ZRSR2: variants seen among roughly 807,000 people sequenced by gnomAD.
ZRSR2 encodes U2 small nuclear ribonucleoprotein auxiliary factor 35 kDa subunit-related protein 2.
In ZRSR2, 3 loss-of-function variants were observed where a neutral mutation model predicts 39.4. That is an observed-to-expected ratio of 0.08 (90% CI 0.03 to 0.20). The LOEUF (loss-of-function observed/expected upper bound fraction) is 0.20, where lower values mean the gene tolerates loss of function less well. Ranked by LOEUF, ZRSR2 falls within the 10% of genes least tolerant of loss-of-function variation. The pLI is 1.00. For synonymous variants in ZRSR2, 137 were observed against 136.0 expected (o/e 1.01, Z -0.05); for missense variants, 256 against 391.5 (o/e 0.65, Z 2.92).
chrX:15,798,969 C>T (rs939474692), intron 2 of ZRSR2, among the ~76,000 whole-genome samples: 3 of 111,128 alleles, frequency 2.7e-5, no homozygotes, highest in Admixed American at 1.9e-4. Context: ...AGGCGGATCA[C>T]GAGGTCAGGA....
At chrX:15,811,516 C>T (rs928888443) in intron 7 of ZRSR2, among the ~76,000 whole-genome samples, 5 of 111,337 alleles carry the variant, frequency 4.5e-5, no homozygotes, top group African/African-American at 1.6e-4. Context: ...GCTCTGCCTC[C>T]CAGGTTCAAG....
chrX:15,816,229 G>C (rs764083), intron 8 of ZRSR2, among the ~76,000 whole-genome samples: 3 of 111,791 alleles, frequency 2.7e-5, no homozygotes, highest in Non-Finnish European at 5.6e-5. Flanking sequence ...CCTTCACTTA[G>C]AAGCTGCATG....
intron 2 of ZRSR2, among the ~76,000 whole-genome samples, chrX:15,795,861 G>T (rs1405863742): frequency 1.8e-5 from 2 of 111,607 alleles, no homozygotes; most frequent in Non-Finnish European, 3.8e-5. Flanking sequence ...AGTGGCTCAC[G>T]CCTGGAGTCC....
intron 2 of ZRSR2, among the ~76,000 whole-genome samples, chrX:15,796,665 A>C (rs1932470446): frequency 9.0e-6 from 1 of 111,341 alleles, no homozygotes; most frequent in South Asian, 3.7e-4. Context: ...ACTTTAAAAA[A>C]AGTTGTCAAT....
In ZRSR2 at chrX:15,808,403, C is replaced by T. The variant is rs1422642468; in HGVS notation, c.438+132C>T. 8 of 583,284 alleles carry T rather than the reference C, an allele frequency of 1.4e-5. No homozygotes were observed. In the African/African-American group the frequency reaches 1.9e-4, roughly 13 times the overall value. 48.1% of individuals were successfully genotyped at this position (583,284 alleles called of 1,213,427 possible). ...GATATCTGGACTCATGTTTATGATG[C>T]TTTGATTTATACAACAACAACAAAC... On this transcript the variant is annotated intron_variant, in intron 6 of 10. Coordinates refer to ENST00000307771, the MANE Select transcript of ZRSR2 (RefSeq NM_005089.4).
Position 15,823,142 on chromosome X carries a change from G to C in ZRSR2, c.1349G>C (p.Ser450Thr), listed in dbSNP as rs774862525. ...RSRSRSRSRR[S>T]RRSRSQSSSR... ...CGGAGCCGGAGCCGGAGCCGCAGGA[G>C]CCGCCGCAGCCGGAGCCAAAGTTCC... The change falls in exon 11 of 11, where the codon AGC becomes ACC. Residue 450 changes from serine (S) to threonine (T), a missense_variant. Around this residue, in one of 3 missense-constraint regions of ZRSR2, gnomAD observed 111 missense variants for 116.7 expected, o/e 0.95. Transcript: ENST00000307771. The C allele has an allele frequency of 1.0e-5, 12 of 1,204,134 alleles. No homozygotes were observed. The East Asian group carries it at 3.3e-4, about 33-fold the overall frequency.
intron 2 of ZRSR2, among the ~76,000 whole-genome samples, chrX:15,792,708 G>T (rs1203848485): frequency 1.8e-5 from 2 of 112,333 alleles, no homozygotes; most frequent in Non-Finnish European, 3.8e-5. Context: ...AAATCTACCT[G>T]CTTAATGCAA....
At chrX:15,815,463 G>A (rs1003135075) in intron 7 of ZRSR2, among the ~76,000 whole-genome samples, 4 of 111,767 alleles carry the variant, frequency 3.6e-5, no homozygotes, top group Non-Finnish European at 7.5e-5. Context: ...ACGCCAACAC[G>A]CCCGGCTAAT....
At chrX:15,822,598 C>A in intron 10 of ZRSR2, 133 bp from the exon 11 acceptor site, 1 of 1,075,830 alleles carries the variant, frequency 9.3e-7, no homozygotes. Context: ...TTATGTAAGC[C>A]CCTTTTACAT....
chrX:15,818,522 C>T, intron 8 of ZRSR2, 65 bp from the exon 9 acceptor site: 2 of 1,009,518 alleles, frequency 2.0e-6, no homozygotes, highest in Non-Finnish European at 2.8e-6. Flanking sequence ...GGACAAACAA[C>T]ATTTGATGAA....
chrX:15,795,087 T>TC (rs1569063425), intron 2 of ZRSR2, among the ~76,000 whole-genome samples: 25 of 56,292 alleles, frequency 4.4e-4, no homozygotes, highest in African/African-American at 2.0e-3. Flanking sequence ...CCCTGCACTT[T>TC]TCCCCCCCCC....
chrX:15,807,762 G>A (rs187926849), intron 5 of ZRSR2, among the ~76,000 whole-genome samples: 18 of 110,236 alleles, frequency 1.6e-4, no homozygotes, highest in Admixed American at 6.8e-4. Flanking sequence ...GCTATGGGCC[G>A]GGCACGGTAG....
At position 15,822,903 on chromosome X, in the gene ZRSR2, C is replaced by T; in HGVS notation, c.1110C>T (p.His370=). ...NSERRERMGH[H]DDYYSRLRGR... Reference sequence around the variant, plus strand: ...AAAGGAGGGAGAGGATGGGCCACCACGACGACTACTACAGCAGGCTGCGGG... The same window carrying T: ...AAAGGAGGGAGAGGATGGGCCACCATGACGACTACTACAGCAGGCTGCGGG... Residue 370 remains histidine (H), a synonymous_variant, in exon 11 of 11, where the codon CAC becomes CAT. Transcript: ENST00000307771. 2 of 1,212,281 alleles carry T rather than the reference C, an allele frequency of 1.6e-6. No individual in the cohort carries two copies. The highest frequency in any genetic ancestry group is 2.2e-6 in the Non-Finnish European group (2 of 895,629).
At chrX:15,790,783 T>G (rs1036898827) in intron 1 of ZRSR2, 151 bp from the exon 2 acceptor site, 6 of 598,039 alleles carry the variant, frequency 1.0e-5, no homozygotes, top group African/African-American at 6.9e-5. Flanking sequence ...GAGGCGATGA[T>G]AGATGGCTGT....
rs750705932 is a variant in ZRSR2, at chrX:15,799,965, T to C, written c.203+12T>C. 1 of 1,118,037 alleles carries C rather than the reference T, an allele frequency of 8.9e-7. No homozygotes were observed. Among genetic ancestry groups the C allele is most frequent in the South Asian group, 1.9e-5 (1 of 51,859 alleles). The allele number at this position is 1,118,037 out of a possible 1,213,427, so 92.1% of individuals were successfully genotyped here. On this transcript the variant is annotated intron_variant, in intron 3 of 10. Transcript: ENST00000307771. Reference sequence around the variant, plus strand: ...TTGGAAAGAGAGAGGTCAGTGCTAATTGAAACACTTAAAGTGAATGAAGTT... The same window carrying C: ...TTGGAAAGAGAGAGGTCAGTGCTAACTGAAACACTTAAAGTGAATGAAGTT...
At chrX:15,804,621 G>T (rs1932762061) in intron 5 of ZRSR2, among the ~76,000 whole-genome samples, 1 of 111,857 alleles carries the variant, frequency 8.9e-6, no homozygotes, top group Non-Finnish European at 1.9e-5. Flanking sequence ...TTGCTTTATA[G>T]CAAGTTATGT....
At chrX:15,803,909 C>G in intron 4 of ZRSR2, 113 bp downstream of exon 4, 1 of 1,031,307 alleles carries the variant, frequency 9.7e-7, no homozygotes, top group Non-Finnish European at 1.3e-6. Flanking sequence ...CGCCATTGCA[C>G]TCCAGCCTGG....
intron 2 of ZRSR2, among the ~76,000 whole-genome samples, chrX:15,795,877 C>T: frequency 8.9e-6 from 1 of 111,903 alleles, no homozygotes; most frequent in South Asian, 3.7e-4. Flanking sequence ...AGTCCTAGCA[C>T]TTTGGGAGGC....
At chrX:15,800,018 C>T in intron 3 of ZRSR2, 65 bp downstream of exon 3, 6 of 775,115 alleles carry the variant, frequency 7.7e-6, no homozygotes, top group Non-Finnish European at 1.1e-5. Context: ...TCAACCTTTA[C>T]TAACCAGTAC....
Sources: allele counts gnomAD v4.1 joint callset (sites outside exome capture counted in the v4.1 genomes callset), GRCh38; gene constraint gnomAD v4.1.1; regional missense constraint gnomAD v4.1.1; transcripts MANE v1.5; gene names NCBI Gene and HGNC (gene_info 2026-07-23, HGNC 2026-07-21).